Variants in PABPC4L observed in about 807,000 individuals in gnomAD.
PABPC4L encodes poly(A) binding protein cytoplasmic 4 like, also known as polyadenylate-binding protein 4-like.
For missense variants in PABPC4L, 452 were observed against 451.4 expected (o/e 1.00, Z -0.01); for synonymous variants, 169 against 164.1 (o/e 1.03, Z -0.23).
chr4:133,969,806 A>G, the PABPC4L span, among the ~76,000 whole-genome samples: 1,518 of 152,164 alleles, frequency 1.0e-2, 26 homozygotes, highest in African/African-American at 0.035. Flanking sequence ...TACCAAACAC[A>G]CAAACAAAAA....
At chr4:134,131,506 C>T in the PABPC4L span, among the ~76,000 whole-genome samples, 3 of 151,552 alleles carry the variant, frequency 2.0e-5, no homozygotes, top group African/African-American at 4.8e-5. Flanking sequence ...GGTGAAAGAC[C>T]TCTACAGGGA....
the PABPC4L span, among the ~76,000 whole-genome samples, chr4:134,015,080 C>A: frequency 6.6e-6 from 1 of 152,062 alleles, no homozygotes; most frequent in Non-Finnish European, 1.5e-5. Context: ...CACCTCTACT[C>A]CCTCCTTGGC....
the PABPC4L span, among the ~76,000 whole-genome samples, chr4:134,068,282 C>T: frequency 6.6e-6 from 1 of 152,108 alleles, no homozygotes; most frequent in Non-Finnish European, 1.5e-5. Flanking sequence ...TAATATCCTT[C>T]TTTGTCTCTT....
the PABPC4L span, among the ~76,000 whole-genome samples, chr4:134,089,753 T>C: frequency 6.6e-6 from 1 of 152,048 alleles, no homozygotes; most frequent in South Asian, 2.1e-4. Flanking sequence ...TTGACTTTTC[T>C]TTATATGTGG....
the PABPC4L span, among the ~76,000 whole-genome samples, chr4:134,032,004 T>C: frequency 6.6e-6 from 1 of 151,864 alleles, no homozygotes; most frequent in Non-Finnish European, 1.5e-5. Context: ...CAAATGTTTA[T>C]TCATAATATC....
the PABPC4L span, among the ~76,000 whole-genome samples, chr4:134,012,692 C>G: frequency 6.6e-6 from 1 of 152,302 alleles, no homozygotes; most frequent in African/African-American, 2.4e-5. Context: ...GCTCTTTGCT[C>G]CATGAGAAAG....
the PABPC4L span, among the ~76,000 whole-genome samples, chr4:134,174,524 C>T: frequency 6.6e-6 from 1 of 152,080 alleles, no homozygotes. Context: ...TACAATGACA[C>T]CAGGTGATAG....
the PABPC4L span, among the ~76,000 whole-genome samples, chr4:134,158,353 T>C: frequency 2.0e-5 from 3 of 152,064 alleles, no homozygotes. Context: ...ATATATTCAA[T>C]GTTTAGCACC....
chr4:133,959,092 A>T, the PABPC4L span, among the ~76,000 whole-genome samples: 2 of 152,164 alleles, frequency 1.3e-5, no homozygotes, highest in Non-Finnish European at 2.9e-5. Context: ...TTTAGATTAA[A>T]TAGAGTATGC....
chr4:134,158,072 T>C, the PABPC4L span, among the ~76,000 whole-genome samples: 58 of 152,020 alleles, frequency 3.8e-4, no homozygotes, highest in East Asian at 9.8e-3. Context: ...TCTAACTTTT[T>C]CAAGTTCTAT....
chr4:133,949,908 C>T, the PABPC4L span, among the ~76,000 whole-genome samples: 1 of 152,072 alleles, frequency 6.6e-6, no homozygotes, highest in African/African-American at 2.4e-5. Flanking sequence ...ATACGGGAGT[C>T]CATATATTAA....
the PABPC4L span, among the ~76,000 whole-genome samples, chr4:134,058,806 T>C: frequency 5.3e-5 from 8 of 152,184 alleles, no homozygotes; most frequent in Non-Finnish European, 7.4e-5. Context: ...AGTAAAGACA[T>C]ATAATTTTAT....
chr4:134,000,167 G>C, the PABPC4L span, among the ~76,000 whole-genome samples: 3 of 151,984 alleles, frequency 2.0e-5, no homozygotes, highest in African/African-American at 7.2e-5. Context: ...TTTTCTTAAT[G>C]AACTCACAAG....
At chr4:134,066,524 C>A in the PABPC4L span, among the ~76,000 whole-genome samples, 1 of 152,016 alleles carries the variant, frequency 6.6e-6, no homozygotes, top group African/African-American at 2.4e-5. Context: ...TATTTGGATG[C>A]CTTTTATTTC....
the PABPC4L span, among the ~76,000 whole-genome samples, chr4:134,128,173 C>G: frequency 5.3e-5 from 8 of 152,048 alleles, no homozygotes; most frequent in Non-Finnish European, 1.0e-4. Flanking sequence ...GTTAAACGAC[C>G]AAACCTAAGA....
the PABPC4L span, among the ~76,000 whole-genome samples, chr4:133,950,667 A>AT: frequency 5.9e-5 from 9 of 152,248 alleles, no homozygotes; most frequent in Non-Finnish European, 1.3e-4. Context: ...TGTTTGGAAA[A>AT]TTGGGGCTTA....
At chr4:134,106,516 A>C in the PABPC4L span, among the ~76,000 whole-genome samples, 1 of 151,654 alleles carries the variant, frequency 6.6e-6, no homozygotes, top group Non-Finnish European at 1.5e-5. Context: ...GAACAAAAAG[A>C]TAATGATATA....
the PABPC4L span, among the ~76,000 whole-genome samples, chr4:134,099,370 T>C: frequency 6.6e-6 from 1 of 151,660 alleles, no homozygotes; most frequent in Non-Finnish European, 1.5e-5. Flanking sequence ...AGGCTAAGCA[T>C]GTACATCTTG....
At chr4:134,093,384 T>A in the PABPC4L span, among the ~76,000 whole-genome samples, 1 of 151,772 alleles carries the variant, frequency 6.6e-6, no homozygotes, top group Non-Finnish European at 1.5e-5. Context: ...GTATTTTTTT[T>A]ATTCTGGTAT....
Sources: allele counts gnomAD v4.1 joint callset (sites outside exome capture counted in the v4.1 genomes callset), GRCh38; gene constraint gnomAD v4.1.1; transcripts MANE v1.5; gene names NCBI Gene and HGNC (gene_info 2026-07-23, HGNC 2026-07-21).